Variants in SETD6 observed in about 807,000 individuals in gnomAD.
SETD6 encodes SET domain containing 6, protein lysine methyltransferase, also known as N-lysine methyltransferase SETD6.
Under a neutral mutation model 52.7 loss-of-function variants are expected in SETD6, and 67 were observed. That is an observed-to-expected ratio of 1.27 (90% confidence interval 1.04 to 1.56). The LOEUF is 1.56. Among genes scored for constraint, SETD6 ranks in the 40% most tolerant of loss-of-function variants. The pLI is 0.00. For synonymous variants in SETD6, 307 were observed against 250.2 expected, an observed-to-expected ratio of 1.23 and a Z score of -2.14; for missense variants, 712 against 607.5, an observed-to-expected ratio of 1.17 and a Z score of -1.81.
At position 58,521,365 on chromosome 16, in the gene SETD6, T is replaced by C; in HGVS notation, c.*2336T>C. ...AGTTAATGTATAGAAGCATACAAAT[T>C]CATGATTATTCTTCCATTACTTTTT... On this transcript the variant is annotated 3_prime_UTR_variant, in exon 8 of 8. Transcript: ENST00000219315. 1 of 1,538,838 alleles carries C rather than the reference T, an allele frequency of 6.5e-7. No homozygotes were observed. The highest frequency in any genetic ancestry group is 8.8e-7 in the Non-Finnish European group (1 of 1,139,732).
intron 2 of SETD6, 41 bp downstream of exon 2, chr16:58,516,138 G>GCGGGC: frequency 8.1e-7 from 1 of 1,240,318 alleles, no homozygotes; most frequent in Non-Finnish European, 1.0e-6. Flanking sequence ...GCGGGGCGGG[G>GCGGGC]CGGGGCGGGG....
In SETD6 at chr16:58,516,238, C is replaced by G. The variant is rs766770962; in HGVS notation, c.371C>G (p.Pro124Arg). ...CTGCAGAGCCAGTCGGGCTGGGTGC[C>G]ACTGCTGCTGGCGCTGCTCCACGAG... ...VALQSQSGWVPLLLALLHELQ... is the reference protein window; with the variant it reads ...VALQSQSGWVRLLLALLHELQ... The change falls in exon 3 of 8, where the codon CCA (proline) becomes CGA (arginine). Residue 124 changes from proline (P) to arginine (R), a missense_variant. Transcript: ENST00000219315. 1 of 1,598,038 alleles carries G rather than the reference C, an allele frequency of 6.3e-7. No homozygotes were observed. Among genetic ancestry groups the G allele is most frequent in the Admixed American group, 1.7e-5 (1 of 59,762 alleles).
chr16:58,520,181 G>A lies in SETD6; in HGVS notation c.*1152G>A, dbSNP rs2039316234. On this transcript the variant is annotated 3_prime_UTR_variant, in exon 8 of 8. Transcript: ENST00000219315. ...TAATGGGGGAGAACAATTAATTAAT[G>A]AGATTTGGTTCCCTTTCCTATATTC... 6.6e-6 allele frequency: 1 copy of A among 152,036 alleles called. No individual in the cohort carries two copies. The highest frequency in any genetic ancestry group is 1.5e-5 in the Non-Finnish European group (1 of 68,006). 9.4% of individuals were successfully genotyped at this position (152,036 alleles called of 1,614,324 possible). A position where few individuals can be genotyped will look rare whatever the true frequency, so the allele number is the denominator to read the frequency against.
In SETD6 at chr16:58,516,226, C is replaced by G. The variant is rs1268663160; in HGVS notation, c.359C>G (p.Ser120Trp). 2 of 1,595,308 alleles carry G rather than the reference C, an allele frequency of 1.3e-6. No individual in the cohort carries two copies. The highest frequency in any genetic ancestry group is 2.2e-5 in the South Asian group (2 of 90,832). ...ERERVALQSQ[S>W]GWVPLLLALL... ...GAGCGAGTTGCGCTGCAGAGCCAGTCGGGCTGGGTGCCACTGCTGCTGGCG... is the reference window on the plus strand; with the variant it reads ...GAGCGAGTTGCGCTGCAGAGCCAGTGGGGCTGGGTGCCACTGCTGCTGGCG... Residue 120 changes from serine to tryptophan, a missense_variant, in exon 3 of 8, where the codon TCG becomes TGG. Transcript: ENST00000219315.
chr16:58,521,473 G>A lies in SETD6; in HGVS notation c.*2444G>A, dbSNP rs2039366949. 6.6e-6 allele frequency among the ~76,000 whole-genome samples: 1 copy of A among 152,158 alleles called. No homozygotes were observed. The highest frequency in any genetic ancestry group is 2.4e-5 in the African/African-American group (1 of 41,428). ...CAGGTGGATTAATATACTCCAAATAGCACAGGTTGGAATACCTGGGTTTGA... is the reference window on the plus strand; with the variant it reads ...CAGGTGGATTAATATACTCCAAATAACACAGGTTGGAATACCTGGGTTTGA... On this transcript the variant is annotated 3_prime_UTR_variant, in exon 8 of 8. Transcript: ENST00000219315.
Position 58,515,903 on chromosome 16 carries a change from G to A in SETD6, c.140G>A (p.Arg47Gln). Residue 47 changes from arginine (R) to glutamine (Q), a missense_variant, in exon 2 of 8, where the codon CGG (arginine) becomes CAG (glutamine). Arg to Gln is a conservative substitution (Grantham distance 43). Coordinates refer to ENST00000219315, the MANE Select transcript of SETD6 (RefSeq NM_001160305.4). ...SPKVSERAGG[R>Q]RTRGGARAAL... ...AAGGTGAGCGAGCGAGCCGGCGGGC[G>A]GAGGACCCGCGGCGGGGCGCGGGCT... is the stretch of plus-strand genomic sequence containing the variant. 1 of 1,506,076 alleles carries A rather than the reference G, an allele frequency of 6.6e-7. No homozygotes were observed. The highest frequency in any genetic ancestry group is 1.4e-5 in the African/African-American group (1 of 69,118). The allele number at this position is 1,506,076 out of a possible 1,614,324, so 93.3% of individuals were successfully genotyped here. A position where few individuals can be genotyped will look rare whatever the true frequency, so the allele number is the denominator to read the frequency against.
chr16:58,515,569 G>A lies in SETD6; in HGVS notation c.27+5G>A, dbSNP rs779741695. On this transcript the variant is annotated splice_donor_5th_base_variant and intron_variant, in intron 1 of 7. Coordinates refer to ENST00000219315, the MANE Select transcript of SETD6 (RefSeq NM_001160305.4). ...ACCCAGGCGAAGCGTCCACGGGTGA[G>A]TGGCGGGCGCGGGGTCCAGCCTTTT... The A allele has an allele frequency of 8.1e-5, 127 of 1,575,352 alleles. No individual in the cohort carries two copies. The highest frequency in any genetic ancestry group is 9.7e-5 in the Non-Finnish European group (113 of 1,166,234).
chr16:58,515,744 C>T (rs2039103023), intron 1 of SETD6, 47 bp from the exon 2 acceptor site: 2 of 1,422,398 alleles, frequency 1.4e-6, no homozygotes, highest in Non-Finnish European at 1.8e-6. Context: ...CAGTTCCCAG[C>T]GGCCTCTCTG....
At position 58,516,917 on chromosome 16, in the gene SETD6, G is replaced by C. The variant is rs752900100; in HGVS notation, c.781G>C (p.Glu261Gln). Residue 261 changes from glutamate (E) to glutamine (Q), a missense_variant, in exon 5 of 8, where the codon GAA (glutamate) becomes CAA (glutamine). Coordinates refer to ENST00000219315, the MANE Select transcript of SETD6 (RefSeq NM_001160305.4). Reference protein sequence around the residue: ...NHLANHNANLEYSANCLRMVA... With the variant: ...NHLANHNANLQYSANCLRMVA... ...CTTAGCCAATCACAACGCCAATCTA[G>C]AATACTCTGCGGTGAGTGGAGTTTC... is the stretch of plus-strand genomic sequence containing the variant. 1 of 1,614,172 alleles carries C rather than the reference G, an allele frequency of 6.2e-7. No homozygotes were observed. Among genetic ancestry groups the C allele is most frequent in the Non-Finnish European group, 8.5e-7 (1 of 1,180,040 alleles).
Position 58,518,119 on chromosome 16 carries a change from A to C in SETD6, c.861A>C (p.Gln287His). ...ATGAGATTTTCAACACTTATGGGCAAATGGCTAACTGGCAACTGATTCATA... is the reference window on the plus strand; with the variant it reads ...ATGAGATTTTCAACACTTATGGGCACATGGCTAACTGGCAACTGATTCATA... ...KGHEIFNTYG[Q>H]MANWQLIHMY... The change falls in exon 6 of 8, where the codon CAA becomes CAC. Residue 287 changes from glutamine (Q) to histidine (H), a missense_variant. Gln to His is a conservative substitution (Grantham distance 24). Transcript: ENST00000219315. The C allele has an allele frequency of 1.9e-6, 3 of 1,614,242 alleles. No individual in the cohort carries two copies. The highest frequency in any genetic ancestry group is 2.5e-6 in the Non-Finnish European group (3 of 1,180,032).
chr16:58,515,772 CTG>C lies in SETD6; in HGVS notation c.28-18_28-17del. 1 of 1,474,492 alleles carries C rather than the reference CTG, an allele frequency of 6.8e-7. No homozygotes were observed. The highest frequency in any genetic ancestry group is 1.4e-5 in the South Asian group (1 of 72,638). 91.3% of individuals were successfully genotyped at this position (1,474,492 alleles called of 1,614,324 possible). Reference sequence around the variant, plus strand: ...CCTCTCTGGGGGTCGGACCTGGTCACTGCGCGCACTTATCTCAGGTGGCGGGG... The same window carrying C: ...CCTCTCTGGGGGTCGGACCTGGTCACCGCGCACTTATCTCAGGTGGCGGGG... On this transcript the variant is annotated splice_polypyrimidine_tract_variant and intron_variant, in intron 1 of 7. Coordinates refer to ENST00000219315, the MANE Select transcript of SETD6 (RefSeq NM_001160305.4).
rs1555492135 is a variant in SETD6, at chr16:58,519,808, T to TATCATCA, written c.*783_*784insTCAATCA. 1 of 140,942 alleles carries TATCATCA rather than the reference T, an allele frequency of 7.1e-6. No homozygotes were observed. The highest frequency in any genetic ancestry group is 2.5e-5 in the African/African-American group (1 of 39,948). The allele number at this position is 140,942 out of a possible 1,614,324, so 8.7% of individuals were successfully genotyped here. On this transcript the variant is annotated 3_prime_UTR_variant, in exon 8 of 8. Transcript: ENST00000219315. ...TGCCAGCTTAGTAGTAGGAATGACC[T>TATCATCA]ATCAATCAATCAATCAATCATTCAG... is the stretch of plus-strand genomic sequence containing the variant.
In SETD6 at chr16:58,516,499, C is replaced by T. The variant is rs1430841705; in HGVS notation, c.498C>T (p.Cys166=). Reference sequence around the variant, plus strand: ...GCAGGCCAGAGGAGGAGCGCCGGTGCCTGCTCCAGGGCACAGGCGTACCTG... The same window carrying T: ...GCAGGCCAGAGGAGGAGCGCCGGTGTCTGCTCCAGGGCACAGGCGTACCTG... The part of the protein sequence containing the change: ...PMFWPEEERR[C]LLQGTGVPEA... Residue 166 remains cysteine, a synonymous_variant, in exon 4 of 8, where the codon TGC becomes TGT. Coordinates refer to ENST00000219315, the MANE Select transcript of SETD6 (RefSeq NM_001160305.4). The T allele has an allele frequency of 3.7e-6, 6 of 1,614,002 alleles. No homozygotes were observed. Among genetic ancestry groups the T allele is most frequent in the East Asian group, 2.2e-5 (1 of 44,870 alleles).
In SETD6 at chr16:58,515,720, G is replaced by T. The variant is rs144539682; in HGVS notation, c.28-71G>T. 1,803 of 1,403,808 alleles carry T rather than the reference G, an allele frequency of 1.3e-3. 26 individuals are homozygous for T. The Admixed American group carries it at 0.031, about 24-fold the overall frequency. 87.0% of individuals were successfully genotyped at this position (1,403,808 alleles called of 1,614,324 possible). A position where few individuals can be genotyped will look rare whatever the true frequency, so the allele number is the denominator to read the frequency against. On this transcript the variant is annotated intron_variant, in intron 1 of 7. Coordinates refer to ENST00000219315, the MANE Select transcript of SETD6 (RefSeq NM_001160305.4). ...CACCCAAAGCCCGTTCTGCGCTCGC[G>T]CCGCGGTCTCCTGCAGTTCCCAGCG...
At chr16:58,515,753 T>C in intron 1 of SETD6, 38 bp from the exon 2 acceptor site, 1 of 1,431,310 alleles carries the variant, frequency 7.0e-7, no homozygotes, top group Admixed American at 2.8e-5. Context: ...GCGGCCTCTC[T>C]GGGGGTCGGA....
rs1447903117 is a variant in SETD6 at position 58,518,958 on chromosome 16, GAACAGC to G, written c.1354_1359del (p.Gln452_Gln453del). 12 of 1,614,148 alleles carry G rather than the reference GAACAGC, an allele frequency of 7.4e-6. No homozygotes were observed. Among genetic ancestry groups the G allele is most frequent in the Non-Finnish European group, 1.0e-5 (12 of 1,180,032 alleles). On this transcript the variant is annotated inframe_deletion, in exon 8 of 8. Transcript: ENST00000219315. Reference sequence around the variant, plus strand: ...AGTCTATGCGAAACTCAGCTGGAGGGAACAGCAAGCCTTACAGGTTCGCTATGGTCA... The same window carrying G: ...AGTCTATGCGAAACTCAGCTGGAGGGAAGCCTTACAGGTTCGCTATGGTCA...
Position 58,518,710 on chromosome 16 carries a change from G to A in SETD6, c.1117-14G>A. ...GCAGTACATCTAATTAAAGAGCTCT[G>A]TGGTTGCTTCTAGGTACTGTGCATG... On this transcript the variant is annotated splice_polypyrimidine_tract_variant and intron_variant, in intron 7 of 7. Coordinates refer to ENST00000219315, the MANE Select transcript of SETD6 (RefSeq NM_001160305.4). 1 of 1,610,056 alleles carries A rather than the reference G, an allele frequency of 6.2e-7. No homozygotes were observed. Among genetic ancestry groups the A allele is most frequent in the Non-Finnish European group, 8.5e-7 (1 of 1,178,404 alleles).
At chr16:58,516,398 G>C (rs764971783) in intron 3 of SETD6, 55 bp downstream of exon 3, 5 of 1,327,142 alleles carry the variant, frequency 3.8e-6, no homozygotes, top group Non-Finnish European at 4.2e-6. Flanking sequence ...GCTGCAAGAA[G>C]TTTCCCCGCC....
At position 58,521,636 on chromosome 16, in the gene SETD6, G is replaced by A. The variant is rs1351923560; in HGVS notation, c.*2607G>A. On this transcript the variant is annotated 3_prime_UTR_variant, in exon 8 of 8. Transcript: ENST00000219315. Reference sequence around the variant, plus strand: ...CCAGAGTACATGGCACACAAAGTTAGTACAAAAAGTAGTAATTTCCAGAAT... The same window carrying A: ...CCAGAGTACATGGCACACAAAGTTAATACAAAAAGTAGTAATTTCCAGAAT... 6.6e-6 allele frequency among the ~76,000 whole-genome samples: 1 copy of A among 152,178 alleles called. No homozygotes were observed. The highest frequency in any genetic ancestry group is 1.5e-5 in the Non-Finnish European group (1 of 68,036).
Sources: allele counts gnomAD v4.1 joint callset (sites outside exome capture counted in the v4.1 genomes callset), GRCh38; gene constraint gnomAD v4.1.1; transcripts MANE v1.5; gene names NCBI Gene and HGNC (gene_info 2026-07-23, HGNC 2026-07-21).